Variants in ADGRL1 observed in about 807,000 individuals in gnomAD.
ADGRL1 encodes CIRL-1.
A neutral mutation model predicts 148.9 loss-of-function variants in ADGRL1; 31 were observed. The ratio of observed to expected loss-of-function variants is 0.21; its 90% confidence interval spans 0.16 to 0.28. The LOEUF is 0.28. ADGRL1 is among the 10% of genes least tolerant of loss of function. ADGRL1 has a pLI of 1.00. For synonymous variants in ADGRL1, 937 were observed against 900.3 expected, an observed-to-expected ratio of 1.04 and a Z score of -0.73; for missense variants, 1,521 against 2,058.8, an observed-to-expected ratio of 0.74 and a Z score of 5.05.
chr19:14,161,551 G>T lies in ADGRL1; in HGVS notation c.1271C>A (p.Ala424Glu). 6.9e-7 allele frequency: 1 copy of T among 1,454,738 alleles called. No individual in the cohort carries two copies. The highest frequency in any genetic ancestry group is 9.0e-7 in the Non-Finnish European group (1 of 1,105,002). 90.1% of individuals were successfully genotyped at this position (1,454,738 alleles called of 1,614,324 possible). Residue 424 changes from alanine (A) to glutamate (E), a missense_variant, in exon 6 of 23, where the codon GCA becomes GAA. Physicochemically the swap from Ala to Glu is moderately radical, Grantham distance 107. Coordinates refer to ENST00000361434, the MANE Select transcript of ADGRL1 (RefSeq NM_014921.5). The surrounding 1 kb of genome is among the most constrained non-coding windows in gnomAD (Gnocchi z 4.4). ...PTPLTSTASP[A>E]ATTPLRRAPL... ...TGCCCGGCGGAGCGGGGTGGTGGCTGCGGGCGAGGCTGTGCTGGTGAGGGG... is the reference window on the plus strand; with the variant it reads ...TGCCCGGCGGAGCGGGGTGGTGGCTTCGGGCGAGGCTGTGCTGGTGAGGGG...
In ADGRL1 at chr19:14,179,489, A is replaced by G. The variant is rs545887067; in HGVS notation, c.71-1745T>C. On this transcript the variant is annotated intron_variant, in intron 2 of 22. Transcript: ENST00000361434. Reference sequence around the variant, plus strand: ...AGCCTGGGCGACAGAGCGAGACTCCATCAAACAAACAAACAAATAAATGCC... The same window carrying G: ...AGCCTGGGCGACAGAGCGAGACTCCGTCAAACAAACAAACAAATAAATGCC... 2.8e-3 allele frequency among the ~76,000 whole-genome samples: 424 copies of G among 151,812 alleles called. 2 individuals are homozygous for G. Among genetic ancestry groups the G allele is most frequent in the African/African-American group, 9.2e-3 (380 of 41,458 alleles).
chr19:14,188,561 A>T (rs1329116252), intron 1 of ADGRL1, among the ~76,000 whole-genome samples: 1 of 152,102 alleles, frequency 6.6e-6, no homozygotes, highest in Non-Finnish European at 1.5e-5. Flanking sequence ...CCAGAACCCC[A>T]GGAGCTGAAA....
chr19:14,193,537 T>C (rs1972080154), intron 1 of ADGRL1, among the ~76,000 whole-genome samples: 1 of 151,684 alleles, frequency 6.6e-6, no homozygotes, highest in African/African-American at 2.4e-5. Context: ...CAGTGAGCTC[T>C]GATTGCACCA....
Position 14,163,957 on chromosome 19 carries a change from T to A in ADGRL1, c.395-551A>T, listed in dbSNP as rs185855407. 2.4e-4 allele frequency among the ~76,000 whole-genome samples: 36 copies of A among 150,320 alleles called. 1 individual carries two copies. The highest frequency in any genetic ancestry group is 8.8e-4 in the African/African-American group (36 of 41,096). On this transcript the variant is annotated intron_variant, in intron 4 of 22. Transcript: ENST00000361434. ...CACACCCGGACAGTGTTTTTTTTTT[T>A]AACTCCTCTTTCTTCCTCCTGCAAA...
At position 14,160,525 on chromosome 19, in the gene ADGRL1, A is replaced by G. The variant is rs1247085287; in HGVS notation, c.1614+68T>C. On this transcript the variant is annotated intron_variant, in intron 7 of 22. Coordinates refer to ENST00000361434, the MANE Select transcript of ADGRL1 (RefSeq NM_014921.5). This position sits in a 1 kb window ranked among gnomAD's most constrained non-coding sequence, Gnocchi z 5.9. ...CCCATGTCTCCCCAGCTGCTCCACG[A>G]CCCCCGCTGGGCCCTGGGCCCTGGG... The G allele has an allele frequency of 3.3e-6, 4 of 1,204,568 alleles. No individual in the cohort carries two copies. Among genetic ancestry groups the G allele is most frequent in the Non-Finnish European group, 3.5e-6 (3 of 864,222 alleles). 74.6% of individuals were successfully genotyped at this position (1,204,568 alleles called of 1,614,324 possible).
chr19:14,192,527 C>G (rs1972008928), intron 1 of ADGRL1, among the ~76,000 whole-genome samples: 1 of 150,396 alleles, frequency 6.6e-6, no homozygotes, highest in South Asian at 2.1e-4. Flanking sequence ...AGGCGTGAGC[C>G]ACTGCTCCCG....
chr19:14,174,019 A>T (rs1408615571), intron 3 of ADGRL1, among the ~76,000 whole-genome samples: 1 of 149,928 alleles, frequency 6.7e-6, no homozygotes, highest in African/African-American at 2.5e-5. Context: ...CTCAGCGGAG[A>T]GGAAGCAGGA....
In ADGRL1 at chr19:14,162,170, A is replaced by C. The variant is rs76340343; in HGVS notation, c.1195+436T>G. Among the ~76,000 whole-genome samples, 1,898 of 152,266 alleles carry C rather than the reference A, an allele frequency of 0.012. 103 individuals carry two copies. The highest frequency in any genetic ancestry group is 0.1 in the Admixed American group (1,523 of 15,298). On this transcript the variant is annotated intron_variant, in intron 5 of 22. Transcript: ENST00000361434. The surrounding 1 kb of genome is among the most constrained non-coding windows in gnomAD (Gnocchi z 5.4). ...CAGGGCAGCTAGGCGGGGCAAAAGAAGACTGCAGAGTTGCCCTCAGCCCGG... is the reference window on the plus strand; with the variant it reads ...CAGGGCAGCTAGGCGGGGCAAAAGACGACTGCAGAGTTGCCCTCAGCCCGG...
Position 14,157,787 on chromosome 19 carries a change from C to T in ADGRL1, c.2535+95G>A. On this transcript the variant is annotated intron_variant, in intron 13 of 22. Coordinates refer to ENST00000361434, the MANE Select transcript of ADGRL1 (RefSeq NM_014921.5). This position sits in a 1 kb window ranked among gnomAD's most constrained non-coding sequence, Gnocchi z 7.5. ...GGCCCCCCACACCCATGGGGCTAGC[C>T]TCCCCTGGTACTGCCCGTGATCTCT... 1.4e-6 allele frequency: 2 copies of T among 1,456,594 alleles called. No homozygotes were observed. Among genetic ancestry groups the T allele is most frequent in the Non-Finnish European group, 1.8e-6 (2 of 1,081,220 alleles). The allele number at this position is 1,456,594 out of a possible 1,614,324, so 90.2% of individuals were successfully genotyped here. A position where few individuals can be genotyped will look rare whatever the true frequency, so the allele number is the denominator to read the frequency against.
At chr19:14,186,353 T>C (rs1300455215) in intron 1 of ADGRL1, among the ~76,000 whole-genome samples, 2 of 152,228 alleles carry the variant, frequency 1.3e-5, no homozygotes, top group Non-Finnish European at 2.9e-5. Flanking sequence ...CCATCACCAC[T>C]GTTGTCTTCA....
chr19:14,153,867 G>T (rs550267299), intron 18 of ADGRL1, among the ~76,000 whole-genome samples: 10 of 151,664 alleles, frequency 6.6e-5, no homozygotes, highest in Non-Finnish European at 1.3e-4. Context: ...CTTGAAGCTG[G>T]GGGGGTGGAG....
At chr19:14,169,501 A>G (rs1970290304) in intron 4 of ADGRL1, 3 of 152,110 alleles carry the variant, frequency 2.0e-5, no homozygotes, top group African/African-American at 7.3e-5. Context: ...GCAGATGGGC[A>G]TCCCCCTCGG....
Position 14,155,663 on chromosome 19 carries a change from G to C in ADGRL1, c.3126-136C>G. The stretch of plus-strand genomic sequence containing the variant: ...TGCAAAGCCCTGAGCGGGCCGAGTG[G>C]GCCTTGGGGGCAGTGGCCTGCCCAG... On this transcript the variant is annotated intron_variant, in intron 17 of 22. Coordinates refer to ENST00000361434, the MANE Select transcript of ADGRL1 (RefSeq NM_014921.5). The surrounding 1 kb of genome is among the most constrained non-coding windows in gnomAD (Gnocchi z 5.0). The C allele has an allele frequency of 1.2e-6, 1 of 828,168 alleles. No homozygotes were observed. The highest frequency in any genetic ancestry group is 1.9e-6 in the Non-Finnish European group (1 of 539,884). 51.3% of individuals were successfully genotyped at this position (828,168 alleles called of 1,614,324 possible).
intron 1 of ADGRL1, among the ~76,000 whole-genome samples, chr19:14,198,250 C>T (rs1218660418): frequency 2.0e-5 from 3 of 152,004 alleles, no homozygotes; most frequent in South Asian, 2.1e-4. Context: ...TGGGAGCCAT[C>T]GGGAATCCTG....
intron 2 of ADGRL1, among the ~76,000 whole-genome samples, chr19:14,178,986 C>G (rs1971009131): frequency 6.6e-6 from 1 of 151,522 alleles, no homozygotes; most frequent in African/African-American, 2.4e-5. Context: ...GAGTTTGAGA[C>G]CAGCCTGGCC....
Position 14,157,029 on chromosome 19 carries a change from C to G in ADGRL1, c.2862G>C (p.Glu954Asp). 6.2e-7 allele frequency: 1 copy of G among 1,614,040 alleles called. No homozygotes were observed. The highest frequency in any genetic ancestry group is 8.5e-7 in the Non-Finnish European group (1 of 1,179,976). ...YLLLVEVFES[E>D]YSRTKYYYLG... is the part of the protein sequence containing the mutation. ...GGTAGTAGTACTTGGTGCGGGAATA[C>G]TCGCTCTCAAACACCTCCACTAGTA... The change falls in exon 15 of 23, where the codon GAG (glutamate) becomes GAC (aspartate). Residue 954 changes from glutamate to aspartate, a missense_variant. By Grantham distance (45) the Glu-to-Asp change is conservative. Transcript: ENST00000361434. The surrounding 1 kb of genome is among the most constrained non-coding windows in gnomAD (Gnocchi z 7.5).
At position 14,151,496 on chromosome 19, in the gene ADGRL1, G is replaced by A. The variant is rs747663469; in HGVS notation, c.3787C>T (p.Pro1263Ser). The A allele has an allele frequency of 6.2e-7, 1 of 1,610,970 alleles. No individual in the cohort carries two copies. The highest frequency in any genetic ancestry group is 8.5e-7 in the Non-Finnish European group (1 of 1,178,896). Residue 1263 changes from proline (P) to serine (S), a missense_variant, in exon 23 of 23, where the codon CCG (proline) becomes TCG (serine). Transcript: ENST00000361434. ...DFPPGDGGPE[P>S]PRGRNLADAA... ...TCGGCTAGGTTCCGGCCTCGGGGCG[G>A]CTCAGGGCCCCCATCCCCGGGAGGG...
chr19:14,184,852 G>T (rs1417252361), intron 1 of ADGRL1, among the ~76,000 whole-genome samples: 1 of 151,822 alleles, frequency 6.6e-6, no homozygotes, highest in Non-Finnish European at 1.5e-5. Context: ...TGTTAGCCAG[G>T]ATGGTCTCTA....
At chr19:14,202,218 A>G (rs1320804822) in intron 1 of ADGRL1, among the ~76,000 whole-genome samples, 1 of 151,124 alleles carries the variant, frequency 6.6e-6, no homozygotes, top group Non-Finnish European at 1.5e-5. Flanking sequence ...CTTCTCCCCA[A>G]CTCACATGAC....
Sources: gnomAD v4.1 joint callset for allele counts (sites outside exome capture counted in the v4.1 genomes callset) on GRCh38, gnomAD v4.1.1 for gene constraint, Gnocchi (gnomAD v3.1) non-coding constraint, MANE v1.5 for transcripts, NCBI Gene and HGNC (gene_info 2026-07-23, HGNC 2026-07-21) for gene names.